Variants in GNPAT observed in about 807,000 individuals in gnomAD.
GNPAT encodes dihydroxyacetone phosphate acyltransferase.
Under a neutral mutation model 78.4 loss-of-function variants are expected in GNPAT, and 30 were observed. The ratio of observed to expected loss-of-function variants is 0.38; its 90% CI spans 0.29 to 0.52. The LOEUF (loss-of-function observed/expected upper bound fraction) is 0.52, where lower values mean the gene tolerates loss of function less well. Among genes scored for constraint, GNPAT ranks in the 20% least tolerant of loss-of-function variants. The probability of loss-of-function intolerance (pLI) is 0.84; values close to 1 mark genes in which losing one functional copy is unlikely to be tolerated. For synonymous variants in GNPAT, 271 were observed against 281.1 expected (o/e 0.96, Z 0.36); for missense variants, 714 against 812.2 (o/e 0.88, Z 1.47).
Position 231,276,182 on chromosome 1 carries a change from T to C in GNPAT, c.1985T>C (p.Leu662Ser), listed in dbSNP as rs1364400021. The C allele has an allele frequency of 1.4e-6, 2 of 1,434,708 alleles. No individual in the cohort carries two copies. Among genetic ancestry groups the C allele is most frequent in the South Asian group, 2.3e-5 (2 of 87,032 alleles). The allele number at this position is 1,434,708 out of a possible 1,614,324, so 88.9% of individuals were successfully genotyped here. Residue 662 changes from leucine to serine, a missense_variant, in exon 15 of 16, where the codon TTA becomes TCA. Coordinates refer to ENST00000366647, the MANE Select transcript of GNPAT (RefSeq NM_014236.4). ...GTGAATGAACCTGCCACAACCAAAT[T>C]AGAAGAAATGCTTGGTAAGTGCAGT... ...FNVNEPATTK[L>S]EEMLGCKTPI...
In GNPAT at chr1:231,260,625, G is replaced by A; in HGVS notation, c.380G>A (p.Ser127Asn). The A allele has an allele frequency of 2.5e-6, 4 of 1,613,316 alleles. No individual in the cohort carries two copies. The highest frequency in any genetic ancestry group is 3.4e-6 in the Non-Finnish European group (4 of 1,179,508). Residue 127 changes from serine (S) to asparagine (N), a missense_variant, in exon 3 of 16, where the codon AGC becomes AAC. Ser to Asn is a conservative substitution (Grantham distance 46). Transcript: ENST00000366647. ...GAIRFCAFTL[S>N]KVFKQIFSKV... is the part of the protein sequence containing the mutation. ...ATTCGGTTTTGTGCCTTCACCCTGA[G>A]CAAAGTATTTAAACAAATTTTCTCG...
chr1:231,253,351 T>C (rs503633), intron 2 of GNPAT, among the ~76,000 whole-genome samples: 76,626 of 152,136 alleles, frequency 0.5, 19,489 homozygotes, highest in South Asian at 0.58. Flanking sequence ...ATATTTGTTC[T>C]GCAACTTCCT....
At chr1:231,274,910 C>T in intron 12 of GNPAT, 2 of 311,710 alleles carry the variant, frequency 6.4e-6, no homozygotes, top group Non-Finnish European at 1.2e-5. Context: ...AAATCTGACC[C>T]CTCTCTTCCC....
At chr1:231,270,631 T>TA in intron 9 of GNPAT, 127 bp from the exon 10 acceptor site, 1 of 894,284 alleles carries the variant, frequency 1.1e-6, no homozygotes, top group Non-Finnish European at 1.9e-6. Context: ...CCGTAATTGG[T>TA]AGACAGTAAA....
chr1:231,261,139 A>G (rs2102813818), intron 3 of GNPAT, among the ~76,000 whole-genome samples: 1 of 152,304 alleles, frequency 6.6e-6, no homozygotes, highest in South Asian at 2.1e-4. Context: ...CATTGAACAA[A>G]TACTAGTAAT....
At chr1:231,260,388 C>A in intron 2 of GNPAT, 119 bp from the exon 3 acceptor site, 1 of 764,658 alleles carries the variant, frequency 1.3e-6, no homozygotes, top group Non-Finnish European at 2.3e-6. Flanking sequence ...TAAGAAGACA[C>A]TATCTTTGAG....
chr1:231,274,519 C>T (rs576385269), intron 12 of GNPAT, among the ~76,000 whole-genome samples: 16 of 152,308 alleles, frequency 1.1e-4, no homozygotes, highest in African/African-American at 3.8e-4. Flanking sequence ...GTTCTGAAAG[C>T]GTTTGTCAGA....
rs957746455 is a variant in GNPAT, at chr1:231,241,245, T to C, written c.-134T>C. 59 of 1,460,684 alleles carry C rather than the reference T, an allele frequency of 4.0e-5. No homozygotes were observed. The highest frequency in any genetic ancestry group is 5.2e-5 in the Non-Finnish European group (54 of 1,042,722). 90.5% of individuals were successfully genotyped at this position (1,460,684 alleles called of 1,614,324 possible). On this transcript the variant is annotated 5_prime_UTR_variant, in exon 1 of 16. Transcript: ENST00000366647. Reference sequence around the variant, plus strand: ...GCTGAGATGGCGGCGCCCGGGATCCTGTGTAGCGGCTGCAGAGGGTGCCGC... The same window carrying C: ...GCTGAGATGGCGGCGCCCGGGATCCCGTGTAGCGGCTGCAGAGGGTGCCGC...
At chr1:231,241,504 T>C (rs771569356) in intron 1 of GNPAT, 48 bp downstream of exon 1, 5 of 1,302,742 alleles carry the variant, frequency 3.8e-6, no homozygotes, top group East Asian at 2.3e-5. Flanking sequence ...CGCGAAATAG[T>C]ACCCCTTTCT....
intron 3 of GNPAT, among the ~76,000 whole-genome samples, chr1:231,260,974 A>G (rs1056274780): frequency 1.1e-4 from 16 of 152,240 alleles, no homozygotes; most frequent in Non-Finnish European, 2.2e-4. Flanking sequence ...CCAGATATTC[A>G]GTAACGTTAC....
chr1:231,266,867 A>T (rs942051556), intron 8 of GNPAT, among the ~76,000 whole-genome samples: 1 of 152,212 alleles, frequency 6.6e-6, no homozygotes, highest in Non-Finnish European at 1.5e-5. Flanking sequence ...TTCTTTCAGG[A>T]TAAAGAACAC....
chr1:231,271,825 G>T (rs537859620), intron 10 of GNPAT, among the ~76,000 whole-genome samples: 1 of 152,176 alleles, frequency 6.6e-6, no homozygotes, highest in Non-Finnish European at 1.5e-5. Context: ...TGCTAGGGCC[G>T]GGCGCAGTGG....
chr1:231,269,087 C>A (rs1208554049), intron 9 of GNPAT, among the ~76,000 whole-genome samples: 3 of 151,714 alleles, frequency 2.0e-5, no homozygotes, highest in Non-Finnish European at 4.4e-5. Flanking sequence ...CTGGACGTTC[C>A]CCTGGGTTGC....
chr1:231,254,639 AG>A (rs1684995151), intron 2 of GNPAT, among the ~76,000 whole-genome samples: 1 of 151,020 alleles, frequency 6.6e-6, no homozygotes, highest in Admixed American at 6.6e-5. Context: ...TAGTAGAGAC[AG>A]GGTTTCACCT....
At chr1:231,250,222 G>A (rs1238387844) in intron 1 of GNPAT, among the ~76,000 whole-genome samples, 1 of 151,922 alleles carries the variant, frequency 6.6e-6, no homozygotes, top group Non-Finnish European at 1.5e-5. Flanking sequence ...CAAAGTGCTG[G>A]AATTACAGGC....
chr1:231,273,248 CTT>C (rs574185259), intron 11 of GNPAT, among the ~76,000 whole-genome samples: 24 of 122,698 alleles, frequency 2.0e-4, no homozygotes, highest in Middle Eastern at 4.2e-3. Context: ...GTGTTGGAAA[CTT>C]TTTTTTTTTT....
chr1:231,244,160 T>G (rs1684690010), intron 1 of GNPAT, among the ~76,000 whole-genome samples: 1 of 152,280 alleles, frequency 6.6e-6, no homozygotes, highest in African/African-American at 2.4e-5. Context: ...CCACCTGCCT[T>G]GGCCTTCCAA....
Position 231,241,217 on chromosome 1 carries a change from C to T in GNPAT, c.-162C>T. 6.5e-7 allele frequency: 1 copy of T among 1,540,898 alleles called. No homozygotes were observed. Among genetic ancestry groups the T allele is most frequent in the Non-Finnish European group, 8.9e-7 (1 of 1,118,084 alleles). On this transcript the variant is annotated 5_prime_UTR_variant, in exon 1 of 16. Coordinates refer to ENST00000366647, the MANE Select transcript of GNPAT (RefSeq NM_014236.4). ...TGCAGGGCCCTGCGCGGCTTCCGTC[C>T]TGGCTGAGATGGCGGCGCCCGGGAT...
In GNPAT at chr1:231,241,323, GCA is replaced by G. The variant is rs1684593939; in HGVS notation, c.-54_-53del. ...AGCGAAAGAACCGCCCCCAGCAGGA[GCA>G]CCACCACGGCTTAGCAAAGAATCCC... On this transcript the variant is annotated 5_prime_UTR_variant, in exon 1 of 16. An upstream open reading frame in the 5' UTR loses its in-frame stop. Transcript: ENST00000366647. 1.4e-6 allele frequency: 2 copies of G among 1,481,336 alleles called. No individual in the cohort carries two copies. Among genetic ancestry groups the G allele is most frequent in the African/African-American group, 2.8e-5 (2 of 72,132 alleles). 91.8% of individuals were successfully genotyped at this position (1,481,336 alleles called of 1,614,324 possible).
Sources: allele counts gnomAD v4.1 joint callset (sites outside exome capture counted in the v4.1 genomes callset), GRCh38; gene constraint gnomAD v4.1.1; transcripts MANE v1.5; gene names NCBI Gene and HGNC (gene_info 2026-07-23, HGNC 2026-07-21).